PCSK6: variants seen among roughly 807,000 people sequenced by gnomAD.
PCSK6 encodes the protein paired basic amino acid cleaving enzyme 4.
A neutral mutation model predicts 123.3 loss-of-function variants in PCSK6; 85 were observed. The ratio of observed to expected loss-of-function variants is 0.69; its 90% CI spans 0.58 to 0.83. The LOEUF is 0.83. Ranked by LOEUF, PCSK6 falls within the 40% of genes least tolerant of loss-of-function variation. PCSK6 has a pLI of 0.00. For synonymous variants in PCSK6, 508 were observed against 516.0 expected, an observed-to-expected ratio of 0.98 and a Z score of 0.21; for missense variants, 1,191 against 1,282.3, an observed-to-expected ratio of 0.93 and a Z score of 1.09.
In PCSK6 at chr15:101,307,331, G is replaced by C; in HGVS notation, c.2700-6C>G. 1 of 1,605,224 alleles carries C rather than the reference G, an allele frequency of 6.2e-7. No homozygotes were observed. The highest frequency in any genetic ancestry group is 8.5e-7 in the Non-Finnish European group (1 of 1,173,828). ...TCAAGCAGTTCTCGTCACACCTGTG[G>C]GAAGATACCGTTCCTGCTGAAGTCT... is the stretch of plus-strand genomic sequence containing the variant. On this transcript the variant is annotated splice_polypyrimidine_tract_variant and splice_region_variant and intron_variant, in intron 20 of 21. Coordinates refer to ENST00000611716, the MANE Select transcript of PCSK6 (RefSeq NM_002570.5).
chr15:101,393,428 G>T lies in PCSK6; in HGVS notation c.997-4C>A. 1.2e-6 allele frequency: 2 copies of T among 1,600,434 alleles called. No individual in the cohort carries two copies. On this transcript the variant is annotated splice_region_variant and splice_polypyrimidine_tract_variant and intron_variant, in intron 7 of 21. Coordinates refer to ENST00000611716, the MANE Select transcript of PCSK6 (RefSeq NM_002570.5). ...TGGAGCCCAGGCCCTGCCGGCCCTG[G>T]AGGGACAAGAGGAACAAGGCTTAGC...
At chr15:101,336,075 A>G (rs886836341) in intron 13 of PCSK6, among the ~76,000 whole-genome samples, 10 of 152,268 alleles carry the variant, frequency 6.6e-5, no homozygotes, top group African/African-American at 2.4e-4. Flanking sequence ...ATTTTGCAGC[A>G]CACGACTACA....
At chr15:101,314,012 G>A (rs116925478) in intron 19 of PCSK6, among the ~76,000 whole-genome samples, 2,764 of 152,282 alleles carry the variant, frequency 0.018, 43 homozygotes, top group Non-Finnish European at 0.028. Flanking sequence ...AATTGCACCC[G>A]TGGCTTGCGT....
chr15:101,474,999 C>T (rs1347061115), intron 1 of PCSK6, among the ~76,000 whole-genome samples: 1 of 152,142 alleles, frequency 6.6e-6, no homozygotes, highest in Non-Finnish European at 1.5e-5. Flanking sequence ...CCAAACACAC[C>T]CCCACTTCCC....
chr15:101,376,755 G>A (rs534386216), intron 11 of PCSK6, among the ~76,000 whole-genome samples: 11 of 152,352 alleles, frequency 7.2e-5, no homozygotes, highest in Admixed American at 2.6e-4. Context: ...AAGTTTGCTC[G>A]CAGCTACAAG....
At chr15:101,337,622 C>G (rs1170207731) in intron 13 of PCSK6, among the ~76,000 whole-genome samples, 2 of 152,172 alleles carry the variant, frequency 1.3e-5, no homozygotes, top group African/African-American at 4.8e-5. Context: ...CTTTCTTTTT[C>G]CACTTAGCAT....
At chr15:101,374,994 G>A (rs8024669) in intron 11 of PCSK6, among the ~76,000 whole-genome samples, 4 of 149,116 alleles carry the variant, frequency 2.7e-5, no homozygotes, top group African/African-American at 7.4e-5. Context: ...CACTCTGTCC[G>A]CAGGCTGGAG....
chr15:101,332,482 T>C (rs2040392667), intron 13 of PCSK6, among the ~76,000 whole-genome samples: 1 of 152,188 alleles, frequency 6.6e-6, no homozygotes, highest in Non-Finnish European at 1.5e-5. Context: ...CCAAGTGTGA[T>C]AACTGGGTTG....
chr15:101,447,659 TAA>T (rs1480900119), intron 1 of PCSK6, among the ~76,000 whole-genome samples: 2 of 152,176 alleles, frequency 1.3e-5, no homozygotes, highest in Non-Finnish European at 2.9e-5. Context: ...ATCTTCCAGG[TAA>T]AGTGAGGTTC....
intron 13 of PCSK6, among the ~76,000 whole-genome samples, chr15:101,359,997 C>A (rs140027325): frequency 6.6e-6 from 1 of 152,160 alleles, no homozygotes; most frequent in Non-Finnish European, 1.5e-5. Context: ...CATCTTCCCC[C>A]CCTGCAATGT....
intron 4 of PCSK6, among the ~76,000 whole-genome samples, chr15:101,430,752 T>C (rs2056421317): frequency 6.6e-6 from 1 of 152,236 alleles, no homozygotes; most frequent in Non-Finnish European, 1.5e-5. Flanking sequence ...CCAAGTCCCT[T>C]AGAGTATTTC....
At chr15:101,454,579 CAT>C (rs1007458829) in intron 1 of PCSK6, among the ~76,000 whole-genome samples, 78 of 152,270 alleles carry the variant, frequency 5.1e-4, no homozygotes, top group Middle Eastern at 6.8e-3. Context: ...TGGCCAAATT[CAT>C]AGAGACAGAA....
rs913000377 is a variant in PCSK6, at chr15:101,331,885, C to A, written c.2005G>T (p.Val669Leu). Residue 669 changes from valine to leucine, a missense_variant, in exon 14 of 22, where the codon GTG (valine) becomes TTG (leucine). Physicochemically the swap from Val to Leu is conservative, Grantham distance 32. Coordinates refer to ENST00000611716, the MANE Select transcript of PCSK6 (RefSeq NM_002570.5). ...TCTTCCTCATCTTCAGGAACTTCCA[C>A]CTGGGAGGGTGACAGGGCAGCCTTG... ...PPKAALSPSQ[V>L]EVPEDEEDYT... is the part of the protein sequence containing the mutation. 6.2e-7 allele frequency: 1 copy of A among 1,613,420 alleles called. No individual in the cohort carries two copies.
chr15:101,404,856 T>C (rs2042721223), intron 6 of PCSK6, among the ~76,000 whole-genome samples: 1 of 152,184 alleles, frequency 6.6e-6, no homozygotes, highest in South Asian at 2.1e-4. Context: ...GTGGTGAAGC[T>C]GATCCTGTTC....
At chr15:101,438,432 C>A (rs953226965) in intron 2 of PCSK6, among the ~76,000 whole-genome samples, 1 of 152,210 alleles carries the variant, frequency 6.6e-6, no homozygotes, top group Non-Finnish European at 1.5e-5. Context: ...TTGAGATATG[C>A]TTCAGGAAGC....
chr15:101,408,236 G>A (rs984709739), intron 6 of PCSK6, among the ~76,000 whole-genome samples: 3 of 152,234 alleles, frequency 2.0e-5, no homozygotes, highest in African/African-American at 4.8e-5. Flanking sequence ...AAGGGGACAC[G>A]GACGGCGAAA....
At chr15:101,343,830 C>T (rs570088647) in intron 13 of PCSK6, among the ~76,000 whole-genome samples, 1 of 152,312 alleles carries the variant, frequency 6.6e-6, no homozygotes, top group African/African-American at 2.4e-5. Context: ...GTGGCTCATG[C>T]CTGTAATCCC....
At chr15:101,317,879 AG>A (rs1231653428) in intron 19 of PCSK6, among the ~76,000 whole-genome samples, 1 of 152,190 alleles carries the variant, frequency 6.6e-6, no homozygotes, top group Non-Finnish European at 1.5e-5. Flanking sequence ...CCTTTTGTGG[AG>A]AACGGGGTCT....
Position 101,305,629 on chromosome 15 carries a change from A to T in PCSK6, c.2813-274T>A, listed in dbSNP as rs767535309. On this transcript the variant is annotated intron_variant, in intron 21 of 21. Coordinates refer to ENST00000611716, the MANE Select transcript of PCSK6 (RefSeq NM_002570.5). This position sits in a 1 kb window ranked among gnomAD's most constrained non-coding sequence, Gnocchi z 4.8. The stretch of plus-strand genomic sequence containing the variant: ...AGGCTAAAGCAGGAGAACCACCTGA[A>T]CCCAGGAGGCAGAGGTTGCAGTGAG... 2 of 356,998 alleles carry T rather than the reference A, an allele frequency of 5.6e-6. No homozygotes were observed. Among genetic ancestry groups the T allele is most frequent in the Non-Finnish European group, 1.0e-5 (2 of 191,206 alleles). The allele number at this position is 356,998 out of a possible 1,614,324, so 22.1% of individuals were successfully genotyped here. A position where few individuals can be genotyped will look rare whatever the true frequency, so the allele number is the denominator to read the frequency against.
Sources: gnomAD v4.1 joint callset for allele counts (sites outside exome capture counted in the v4.1 genomes callset) on GRCh38, gnomAD v4.1.1 for gene constraint, Gnocchi (gnomAD v3.1) non-coding constraint, MANE v1.5 for transcripts, NCBI Gene and HGNC (gene_info 2026-07-23, HGNC 2026-07-21) for gene names.